NSD3: variants seen among roughly 807,000 people sequenced by gnomAD.
NSD3 encodes histone-lysine N-methyltransferase NSD3.
NSD3 carries 24 observed loss-of-function variants against 160.8 expected under a neutral mutation model. The observed-to-expected ratio is 0.15, with a 90% confidence interval of 0.11 to 0.21. NSD3 has a LOEUF of 0.21. NSD3 is among the 10% of genes least tolerant of loss of function. The probability of loss-of-function intolerance (pLI) is 1.00; values close to 1 mark genes in which losing one functional copy is unlikely to be tolerated. For synonymous variants in NSD3, 520 were observed against 600.0 expected, an observed-to-expected ratio of 0.87 and a Z score of 1.95; for missense variants, 1,157 against 1,735.9, an observed-to-expected ratio of 0.67 and a Z score of 5.93.
intron 22 of NSD3, 133 bp downstream of exon 22, chr8:38,278,173 C>A: frequency 1.0e-5 from 6 of 594,466 alleles, no homozygotes; most frequent in Non-Finnish European, 1.4e-5. Context: ...CTCCTGACCT[C>A]GTGATCTGCC....
chr8:38,371,350 A>G (rs768036773), intron 1 of NSD3, among the ~76,000 whole-genome samples: 2 of 152,190 alleles, frequency 1.3e-5, no homozygotes, highest in African/African-American at 2.4e-5. Context: ...CAAGTTTTCC[A>G]TTAAAAAATA....
At position 38,316,515 on chromosome 8, in the gene NSD3, T is replaced by A; in HGVS notation, c.1856-473A>T. ...TTCGATTCGTACACGGATAGTGCCATTTTCCCCCAAATTTTGCAATTCAGT... is the reference window on the plus strand; with the variant it reads ...TTCGATTCGTACACGGATAGTGCCAATTTCCCCCAAATTTTGCAATTCAGT... On this transcript the variant is annotated intron_variant, in intron 9 of 23. Coordinates refer to ENST00000317025, the MANE Select transcript of NSD3 (RefSeq NM_023034.2). The surrounding 1 kb of genome is among the most constrained non-coding windows in gnomAD (Gnocchi z 4.5). 2 of 1,046,722 alleles carry A rather than the reference T, an allele frequency of 1.9e-6. No homozygotes were observed. Among genetic ancestry groups the A allele is most frequent in the Non-Finnish European group, 2.3e-6 (2 of 867,382 alleles). 64.8% of individuals were successfully genotyped at this position (1,046,722 alleles called of 1,614,324 possible).
chr8:38,286,517 C>T (rs944860691), intron 19 of NSD3, among the ~76,000 whole-genome samples: 3 of 152,188 alleles, frequency 2.0e-5, no homozygotes, highest in African/African-American at 7.2e-5. Flanking sequence ...ACTCCTGACC[C>T]ATATTAACTG....
At position 38,381,924 on chromosome 8, in the gene NSD3, C is replaced by G. The variant is rs1277497775; in HGVS notation, c.-170G>C. ...CGCGCGAGGAGGAGGCGGAACCGAG[C>G]TAGGCCGCATGAAATCCCCGGGCTA... On this transcript the variant is annotated 5_prime_UTR_variant, in exon 1 of 24. Transcript: ENST00000317025. 1 of 153,042 alleles carries G rather than the reference C, an allele frequency of 6.5e-6. No individual in the cohort carries two copies. The highest frequency in any genetic ancestry group is 1.5e-5 in the Non-Finnish European group (1 of 68,454). The allele number at this position is 153,042 out of a possible 1,614,324, so 9.5% of individuals were successfully genotyped here. A position where few individuals can be genotyped will look rare whatever the true frequency, so the allele number is the denominator to read the frequency against.
At chr8:38,376,801 C>CA (rs1039275678) in intron 1 of NSD3, among the ~76,000 whole-genome samples, 51 of 152,212 alleles carry the variant, frequency 3.4e-4, no homozygotes, top group African/African-American at 1.2e-3. Context: ...ACGGGTTTGT[C>CA]AAAAAAGCCC....
intron 22 of NSD3, 29 bp from the exon 23 acceptor site, chr8:38,276,529 A>G (rs968673476): frequency 6.2e-7 from 1 of 1,612,580 alleles, no homozygotes; most frequent in Non-Finnish European, 8.5e-7. Flanking sequence ...TCATAGTTTC[A>G]AACATCACAG....
chr8:38,348,575 C>T (rs755887619), intron 1 of NSD3, among the ~76,000 whole-genome samples: 2 of 152,212 alleles, frequency 1.3e-5, no homozygotes, highest in Non-Finnish European at 2.9e-5. Flanking sequence ...TGACACATAT[C>T]AATCTGCTTC....
chr8:38,336,291 T>TA (rs1406160955), intron 4 of NSD3: 1 of 152,254 alleles, frequency 6.6e-6, no homozygotes, highest in African/African-American at 2.4e-5. Context: ...CTTTGGCTAC[T>TA]AAGCAAGTTC....
At chr8:38,282,864 C>A (rs990627053) in intron 19 of NSD3, among the ~76,000 whole-genome samples, 2 of 152,098 alleles carry the variant, frequency 1.3e-5, no homozygotes, top group Non-Finnish European at 2.9e-5. Context: ...TAGCCATTCA[C>A]CCATGGAAGA....
Position 38,272,471 on chromosome 8 carries a change from C to T in NSD3, c.*3170G>A, listed in dbSNP as rs752907493. ...GAAGAGCCATCCACCTTGCCCTTCT[C>T]AGCCAGCCACAGGCAGCTCTTCTGA... On this transcript the variant is annotated 3_prime_UTR_variant, in exon 24 of 24. Coordinates refer to ENST00000317025, the MANE Select transcript of NSD3 (RefSeq NM_023034.2). 2 of 152,336 alleles carry T rather than the reference C, an allele frequency of 1.3e-5. No individual in the cohort carries two copies. The highest frequency in any genetic ancestry group is 2.9e-5 in the Non-Finnish European group (2 of 68,118). 9.4% of individuals were successfully genotyped at this position (152,336 alleles called of 1,614,324 possible).
At chr8:38,340,403 T>C (rs934861294) in intron 2 of NSD3, among the ~76,000 whole-genome samples, 1 of 152,222 alleles carries the variant, frequency 6.6e-6, no homozygotes, top group African/African-American at 2.4e-5. Flanking sequence ...GGTGGCGCCA[T>C]CTCGGCTCAT....
chr8:38,276,039 G>T, intron 23 of NSD3, 157 bp from the exon 24 acceptor site: 1 of 807,478 alleles, frequency 1.2e-6, no homozygotes, highest in African/African-American at 1.7e-5. Context: ...TGGGTGTACA[G>T]TTTAGGATGG....
At position 38,350,165 on chromosome 8, in the gene NSD3, T is replaced by C. The variant is rs188321843; in HGVS notation, c.-44-1950A>G. 2.6e-5 allele frequency among the ~76,000 whole-genome samples: 4 copies of C among 152,344 alleles called. No individual in the cohort carries two copies. The East Asian group carries it at 5.8e-4, about 22-fold the overall frequency. ...AAACATATGTGTGCGTGTGTCTTTA[T>C]AGCAGCATCATTTATATTCCTTTGG... On this transcript the variant is annotated intron_variant, in intron 1 of 23. Coordinates refer to ENST00000317025, the MANE Select transcript of NSD3 (RefSeq NM_023034.2).
chr8:38,271,293 A>T lies in NSD3; in HGVS notation c.*4348T>A, dbSNP rs1242195326. 1 of 152,186 alleles carries T rather than the reference A, an allele frequency of 6.6e-6. No homozygotes were observed. Among genetic ancestry groups the T allele is most frequent in the African/African-American group, 2.4e-5 (1 of 41,440 alleles). The allele number at this position is 152,186 out of a possible 1,614,324, so 9.4% of individuals were successfully genotyped here. A position where few individuals can be genotyped will look rare whatever the true frequency, so the allele number is the denominator to read the frequency against. ...TACTTCATAAATGTAAAAAGAAACT[A>T]AAATAAGGAGAATCTGAAGAGTTTC... is the stretch of plus-strand genomic sequence containing the variant. On this transcript the variant is annotated 3_prime_UTR_variant, in exon 24 of 24. Coordinates refer to ENST00000317025, the MANE Select transcript of NSD3 (RefSeq NM_023034.2).
rs1246509781 is a variant in NSD3 at position 38,273,586 on chromosome 8, TTA to T, written c.*2053_*2054del. 1.3e-5 allele frequency: 2 copies of T among 152,220 alleles called. No homozygotes were observed. The highest frequency in any genetic ancestry group is 2.4e-5 in the African/African-American group (1 of 41,456). The allele number at this position is 152,220 out of a possible 1,614,324, so 9.4% of individuals were successfully genotyped here. ...GTATTTGGAATATTAAAGGAAATCCTTATGTTAGTAAGTTTAAAAAACCAAAC... is the reference window on the plus strand; with the variant it reads ...GTATTTGGAATATTAAAGGAAATCCTTGTTAGTAAGTTTAAAAAACCAAAC... On this transcript the variant is annotated 3_prime_UTR_variant, in exon 24 of 24. Transcript: ENST00000317025.
chr8:38,310,435 G>T (rs1809505564), intron 12 of NSD3, among the ~76,000 whole-genome samples: 1 of 152,054 alleles, frequency 6.6e-6, no homozygotes, highest in South Asian at 2.1e-4. Context: ...ATGGACATTT[G>T]GGTTGTTTCT....
At chr8:38,307,125 A>AAT (rs1554524041) in intron 12 of NSD3, among the ~76,000 whole-genome samples, 213 of 146,396 alleles carry the variant, frequency 1.5e-3, no homozygotes, top group African/African-American at 4.6e-3. Flanking sequence ...AAAAAAAAAA[A>AAT]AAATAAAATA....
At chr8:38,341,650 C>T (rs1398123014) in intron 2 of NSD3, among the ~76,000 whole-genome samples, 3 of 151,884 alleles carry the variant, frequency 2.0e-5, no homozygotes, top group Non-Finnish European at 4.4e-5. Context: ...TGTGAGATAC[C>T]TGAGGTTAAA....
rs2131025325 is a variant in NSD3, at chr8:38,319,646, C to G, written c.1810-706G>C. On this transcript the variant is annotated intron_variant, in intron 8 of 23. Transcript: ENST00000317025. The surrounding 1 kb of genome is among the most constrained non-coding windows in gnomAD (Gnocchi z 4.1). ...AACCATTGGAATTAGAGAAAGGAGG[C>G]TGTTTGGAGGAGTTCCTGTTTAAGC... 6.6e-6 allele frequency: 1 copy of G among 152,236 alleles called. No homozygotes were observed. The highest frequency in any genetic ancestry group is 1.9e-4 in the East Asian group (1 of 5,184). The allele number at this position is 152,236 out of a possible 1,614,324, so 9.4% of individuals were successfully genotyped here.
Sources: gnomAD v4.1 joint callset for allele counts (sites outside exome capture counted in the v4.1 genomes callset) on GRCh38, gnomAD v4.1.1 for gene constraint, Gnocchi (gnomAD v3.1) non-coding constraint, MANE v1.5 for transcripts, NCBI Gene and HGNC (gene_info 2026-07-23, HGNC 2026-07-21) for gene names.